Variants in RAB36 observed in about 807,000 individuals in gnomAD.
The protein encoded by RAB36 is RAB36, member RAS oncogene family.
In RAB36, 33 loss-of-function variants were observed where a neutral mutation model predicts 39.3. That is an observed-to-expected ratio of 0.84 (90% CI 0.64 to 1.12). The LOEUF is 1.12. Among genes scored for constraint, RAB36 ranks in the 50% most tolerant of loss-of-function variants. The pLI is 0.00. For synonymous variants in RAB36, 133 were observed against 140.2 expected, an observed-to-expected ratio of 0.95 and a Z score of 0.36; for missense variants, 308 against 355.3, an observed-to-expected ratio of 0.87 and a Z score of 1.07.
intron 1 of RAB36, chr22:23,145,886 G>T: frequency 1.8e-5 from 14 of 769,984 alleles, no homozygotes; most frequent in Non-Finnish European, 2.1e-5. Context: ...TGAAGTGAGG[G>T]TTTTCAGGGA....
intron 5 of RAB36, among the ~76,000 whole-genome samples, chr22:23,153,921 T>C (rs1230087837): frequency 6.6e-6 from 1 of 152,048 alleles, no homozygotes; most frequent in Non-Finnish European, 1.5e-5. Context: ...ACTCCTGACC[T>C]CAAGTGCTCC....
intron 6 of RAB36, 102 bp downstream of exon 6, chr22:23,156,134 T>C (rs1308058513): frequency 1.4e-6 from 1 of 716,406 alleles, no homozygotes; most frequent in South Asian, 2.0e-5. Context: ...CACCAGTTTT[T>C]TGTCCTCCAA....
chr22:23,160,962 A>G lies in RAB36; in HGVS notation c.703A>G (p.Ser235Gly), dbSNP rs757734165. Residue 235 changes from serine (S) to glycine (G), a missense_variant, in exon 10 of 11, where the codon AGT (serine) becomes GGT (glycine). Transcript: ENST00000263116. ...GCTGCAGGACCTGGAGAGGCAGAGC[A>G]GTGCCCGGCTCCAGGTCGGCAATGG... ...SVLQDLERQS[S>G]ARLQVGNGDL... is the part of the protein sequence containing the mutation. 1.9e-6 allele frequency: 3 copies of G among 1,613,218 alleles called. No individual in the cohort carries two copies. Among genetic ancestry groups the G allele is most frequent in the East Asian group, 4.5e-5 (2 of 44,850 alleles).
At chr22:23,161,035 G>C in intron 10 of RAB36, 37 bp downstream of exon 10, 1 of 1,560,914 alleles carries the variant, frequency 6.4e-7, no homozygotes, top group East Asian at 2.3e-5. Flanking sequence ...CTGGGGAGTA[G>C]GCTGGAGGCC....
chr22:23,162,737 C>T lies in RAB36; in HGVS notation c.*1173C>T, dbSNP rs751452390. The T allele has an allele frequency of 5.0e-5, 23 of 456,162 alleles. No homozygotes were observed. The highest frequency in any genetic ancestry group is 2.8e-4 in the African/African-American group (14 of 50,060). The allele number at this position is 456,162 out of a possible 1,614,324, so 28.3% of individuals were successfully genotyped here. A position where few individuals can be genotyped will look rare whatever the true frequency, so the allele number is the denominator to read the frequency against. ...TCGTGCTGTTGCTTCCCGTAGATGGCGAGCACCTTGCAGGCAGCCTTCTGA... is the reference window on the plus strand; with the variant it reads ...TCGTGCTGTTGCTTCCCGTAGATGGTGAGCACCTTGCAGGCAGCCTTCTGA... On this transcript the variant is annotated 3_prime_UTR_variant, in exon 11 of 11. Coordinates refer to ENST00000263116, the MANE Select transcript of RAB36 (RefSeq NM_004914.5).
At chr22:23,152,972 T>C (rs956649199) in intron 4 of RAB36, 61 bp from the exon 5 acceptor site, 71 of 1,215,684 alleles carry the variant, frequency 5.8e-5, no homozygotes, top group Non-Finnish European at 8.0e-5. Flanking sequence ...GTGTTACAAG[T>C]GAAGCTTCCG....
At chr22:23,151,113 T>C (rs1601902667) in intron 3 of RAB36, among the ~76,000 whole-genome samples, 1 of 152,342 alleles carries the variant, frequency 6.6e-6, no homozygotes, top group Middle Eastern at 3.4e-3. Flanking sequence ...AGAGGTGCGA[T>C]GAGGCTGCCA....
In RAB36 at chr22:23,161,604, A is replaced by G. The variant is rs1252503127; in HGVS notation, c.*40A>G. Reference sequence around the variant, plus strand: ...GAAGGCCTCCGCTCCCTGCACACACACGGACAGGAATTTCCGTGACTGTGG... The same window carrying G: ...GAAGGCCTCCGCTCCCTGCACACACGCGGACAGGAATTTCCGTGACTGTGG... On this transcript the variant is annotated 3_prime_UTR_variant, in exon 11 of 11. Coordinates refer to ENST00000263116, the MANE Select transcript of RAB36 (RefSeq NM_004914.5). 1 of 1,501,662 alleles carries G rather than the reference A, an allele frequency of 6.7e-7. No homozygotes were observed. The highest frequency in any genetic ancestry group is 1.2e-5 in the South Asian group (1 of 85,554). The allele number at this position is 1,501,662 out of a possible 1,614,324, so 93.0% of individuals were successfully genotyped here.
At chr22:23,161,364 G>T in intron 10 of RAB36, 136 bp from the exon 11 acceptor site, 1 of 841,518 alleles carries the variant, frequency 1.2e-6, no homozygotes, top group Non-Finnish European at 1.9e-6. Context: ...CTTGGCTTGT[G>T]TCAGGCCATT....
chr22:23,152,315 C>A, intron 3 of RAB36, 146 bp from the exon 4 acceptor site: 1 of 775,650 alleles, frequency 1.3e-6, no homozygotes, highest in Non-Finnish European at 2.2e-6. Context: ...GAAGGGGGAA[C>A]ACAGTGTCTC....
rs559039131 is a variant in RAB36, at chr22:23,151,384, C to T, written c.162-1077C>T. 1.2e-4 allele frequency among the ~76,000 whole-genome samples: 18 copies of T among 152,214 alleles called. No individual in the cohort carries two copies. The East Asian group carries it at 2.5e-3, about 21-fold the overall frequency. On this transcript the variant is annotated intron_variant, in intron 3 of 10. Coordinates refer to ENST00000263116, the MANE Select transcript of RAB36 (RefSeq NM_004914.5). ...ATTCATAGGAGAAATGGAGTCAGAA[C>T]GAAAGGGCCCTCTGGGAGCAGGGTA...
chr22:23,147,344 T>G (rs1425236740), intron 2 of RAB36, among the ~76,000 whole-genome samples: 1 of 147,620 alleles, frequency 6.8e-6, no homozygotes, highest in Non-Finnish European at 1.5e-5. Flanking sequence ...TTTTTTCTTT[T>G]TTTTTTAGAG....
Position 23,161,717 on chromosome 22 carries a change from G to A in RAB36, c.*153G>A. 2 of 655,894 alleles carry A rather than the reference G, an allele frequency of 3.0e-6. No homozygotes were observed. Among genetic ancestry groups the A allele is most frequent in the Admixed American group, 5.7e-5 (2 of 35,306 alleles). The allele number at this position is 655,894 out of a possible 1,614,324, so 40.6% of individuals were successfully genotyped here. On this transcript the variant is annotated 3_prime_UTR_variant, in exon 11 of 11. Transcript: ENST00000263116. ...TCCCTCCACCCACCCACCGGGCTCA[G>A]CTCCAGGGCACAGTCACTTGTCCGT...
intron 6 of RAB36, chr22:23,156,411 G>A (rs1569213187): frequency 5.6e-6 from 1 of 179,004 alleles, no homozygotes; most frequent in Non-Finnish European, 1.2e-5. Flanking sequence ...CCAGGGAGTA[G>A]GAGTGAAAGG....
rs1326464862 is a variant in RAB36 at position 23,165,456 on chromosome 22, G to A, written c.*3892G>A. 1.3e-5 allele frequency among the ~76,000 whole-genome samples: 2 copies of A among 152,206 alleles called. No individual in the cohort carries two copies. The highest frequency in any genetic ancestry group is 2.9e-5 in the Non-Finnish European group (2 of 68,032). ...GCTGGAGGATATGTTCTGATCTTGG[G>A]AAGAGCTTGGTAGGAGCCAGCCACA... On this transcript the variant is annotated 3_prime_UTR_variant, in exon 11 of 11. Transcript: ENST00000263116.
chr22:23,161,798 C>T lies in RAB36; in HGVS notation c.*234C>T, dbSNP rs545629094. On this transcript the variant is annotated 3_prime_UTR_variant, in exon 11 of 11. Coordinates refer to ENST00000263116, the MANE Select transcript of RAB36 (RefSeq NM_004914.5). ...TGGCTGCCTGGGAGCCCCACACCAC[C>T]GGGCCAGTGCAGGCACTGTGGTGAT... is the stretch of plus-strand genomic sequence containing the variant. 2.3e-4 allele frequency: 122 copies of T among 539,316 alleles called. No homozygotes were observed. The highest frequency in any genetic ancestry group is 3.6e-4 in the African/African-American group (19 of 52,400). The allele number at this position is 539,316 out of a possible 1,614,324, so 33.4% of individuals were successfully genotyped here. A position where few individuals can be genotyped will look rare whatever the true frequency, so the allele number is the denominator to read the frequency against.
At chr22:23,168,239 G>A (rs2072082031), downstream of RAB36, among the ~76,000 whole-genome samples, 1 of 152,208 alleles carries the variant, frequency 6.6e-6, no homozygotes, top group Non-Finnish European at 1.5e-5. Flanking sequence ...GTCCACACAG[G>A]CAGGGCTAGA....
chr22:23,157,035 A>G (rs2146563974), intron 6 of RAB36, among the ~76,000 whole-genome samples: 1 of 152,282 alleles, frequency 6.6e-6, no homozygotes, highest in South Asian at 2.1e-4. Flanking sequence ...GGGGCAGTAG[A>G]GAGCATTTGC....
At chr22:23,149,527 C>T (rs1418125550) in intron 2 of RAB36, among the ~76,000 whole-genome samples, 1 of 152,306 alleles carries the variant, frequency 6.6e-6, no homozygotes, top group South Asian at 2.1e-4. Context: ...AACAAAATGT[C>T]ATCAGAGATT....
Sources: gnomAD v4.1 joint callset for allele counts (sites outside exome capture counted in the v4.1 genomes callset) on GRCh38, gnomAD v4.1.1 for gene constraint, MANE v1.5 for transcripts, NCBI Gene and HGNC (gene_info 2026-07-23, HGNC 2026-07-21) for gene names.